The following DDX31 variants were observed in gnomAD, a reference collection of about 807,000 sequenced individuals.
DDX31 encodes the protein ATP-dependent DNA helicase DDX31.
A neutral mutation model predicts 91.3 loss-of-function variants in DDX31; 70 were observed. The ratio of observed to expected loss-of-function variants is 0.77; its 90% confidence interval spans 0.63 to 0.94. The LOEUF (loss-of-function observed/expected upper bound fraction) is 0.94. Among genes scored for constraint, DDX31 ranks in the 40% least tolerant of loss-of-function variants. The probability of loss-of-function intolerance (pLI) is 0.00; values close to 1 mark genes in which losing one functional copy is unlikely to be tolerated. For missense variants in DDX31, 902 were observed against 925.0 expected, an observed-to-expected ratio of 0.98 and a Z score of 0.32; for synonymous variants, 362 against 350.6, an observed-to-expected ratio of 1.03 and a Z score of -0.36.
intron 19 of DDX31, among the ~76,000 whole-genome samples, chr9:132,609,522 C>T (rs902330171): frequency 6.6e-6 from 1 of 152,208 alleles, no homozygotes; most frequent in Admixed American, 6.5e-5. Context: ...TTAACACTTG[C>T]TAATGAAATC....
At chr9:132,606,204 C>T (rs1306745045) in intron 19 of DDX31, among the ~76,000 whole-genome samples, 1 of 152,184 alleles carries the variant, frequency 6.6e-6, no homozygotes. Flanking sequence ...TTACAGAATG[C>T]TAACTGGCTC....
At position 132,593,393 on chromosome 9, in the gene DDX31, T is replaced by A. The variant is rs1043058724; in HGVS notation, c.*1473A>T. On this transcript the variant is annotated 3_prime_UTR_variant, in exon 20 of 20. Transcript: ENST00000372159. ...TAAAGTTTGATCCCTCCTTTTCTCA[T>A]CCAAATCATGTGAACCATTACACAT... 2.0e-5 allele frequency: 3 copies of A among 152,180 alleles called. No homozygotes were observed. The highest frequency in any genetic ancestry group is 4.4e-5 in the Non-Finnish European group (3 of 68,036). 9.4% of individuals were successfully genotyped at this position (152,180 alleles called of 1,614,324 possible). A position where few individuals can be genotyped will look rare whatever the true frequency, so the allele number is the denominator to read the frequency against.
chr9:132,595,487 A>C lies in DDX31; in HGVS notation c.1995-375T>G, dbSNP rs947737998. ...ACACTCAACAACATGAAGCAGTGAA[A>C]GCTCACGGCAGCTTCCCAGTAACCC... On this transcript the variant is annotated intron_variant, in intron 19 of 19. Transcript: ENST00000372159. The surrounding 1 kb of genome is among the most constrained non-coding windows in gnomAD (Gnocchi z 4.6). Among the ~76,000 whole-genome samples, 1 of 152,182 alleles carries C rather than the reference A, an allele frequency of 6.6e-6. No homozygotes were observed. The highest frequency in any genetic ancestry group is 2.4e-5 in the African/African-American group (1 of 41,448).
chr9:132,627,476 C>A (rs1416524050), intron 16 of DDX31, among the ~76,000 whole-genome samples: 3 of 152,110 alleles, frequency 2.0e-5, no homozygotes, highest in African/African-American at 7.2e-5. Context: ...AATCACCTCA[C>A]CTTAGTATGA....
intron 1 of DDX31, among the ~76,000 whole-genome samples, chr9:132,666,270 CA>C (rs1378771165): frequency 1.3e-5 from 2 of 151,536 alleles, no homozygotes; most frequent in Non-Finnish European, 2.9e-5. Flanking sequence ...CTTTGCTGGT[CA>C]ATTTGTACAG....
chr9:132,646,833 T>C lies in DDX31; in HGVS notation c.1193A>G (p.Gln398Arg), dbSNP rs748882585. ...AGCCCACAGTCCCACCTTGCATTTC[T>C]GAAGGATGAAGGCCGCTAGGCAGAC... is the stretch of plus-strand genomic sequence containing the variant. ...RLVCLAAFIL[Q>R]KCKFEEDQKM... Residue 398 changes from glutamine to arginine, a missense_variant, in exon 12 of 20, where the codon CAG becomes CGG. Coordinates refer to ENST00000372159, the MANE Select transcript of DDX31 (RefSeq NM_022779.9). 4 of 1,613,928 alleles carry C rather than the reference T, an allele frequency of 2.5e-6. No individual in the cohort carries two copies. In the Admixed American group the frequency reaches 5.0e-5, roughly 20 times the overall value.
chr9:132,609,278 A>G (rs928613620), intron 19 of DDX31, among the ~76,000 whole-genome samples: 12 of 152,176 alleles, frequency 7.9e-5, no homozygotes, highest in Admixed American at 1.3e-4. Context: ...GCTCTTTATC[A>G]GCTAATCAGC....
intron 14 of DDX31, among the ~76,000 whole-genome samples, chr9:132,636,027 T>A (rs1021014317): frequency 1.3e-5 from 2 of 152,112 alleles, no homozygotes; most frequent in Admixed American, 1.3e-4. Flanking sequence ...GGAGACACCA[T>A]CCCACCATCA....
chr9:132,609,748 A>C (rs890835529), intron 19 of DDX31, among the ~76,000 whole-genome samples: 5 of 151,990 alleles, frequency 3.3e-5, no homozygotes, highest in African/African-American at 1.2e-4. Context: ...CAGCCTCCCA[A>C]GTAGCTGGAA....
At chr9:132,617,029 C>T (rs1293985369) in intron 18 of DDX31, among the ~76,000 whole-genome samples, 1 of 152,174 alleles carries the variant, frequency 6.6e-6, no homozygotes, top group Non-Finnish European at 1.5e-5. Flanking sequence ...CACACAGCAG[C>T]CAGGTGATCT....
intron 14 of DDX31, among the ~76,000 whole-genome samples, chr9:132,637,688 G>A (rs1833209439): frequency 6.6e-6 from 1 of 152,234 alleles, no homozygotes; most frequent in Admixed American, 6.5e-5. Context: ...GAGGAGGAAG[G>A]AGAGAGTGCA....
chr9:132,657,379 C>T (rs1203351549), intron 6 of DDX31, among the ~76,000 whole-genome samples: 1 of 152,188 alleles, frequency 6.6e-6, no homozygotes, highest in Non-Finnish European at 1.5e-5. Flanking sequence ...CTCATTTTAG[C>T]ATCTATGATA....
Position 132,613,529 on chromosome 9 carries a change from A to G in DDX31, c.1826-1274T>C, listed in dbSNP as rs569857756. Among the ~76,000 whole-genome samples, 79 of 152,254 alleles carry G rather than the reference A, an allele frequency of 5.2e-4. No homozygotes were observed. The South Asian group carries it at 0.016, about 30-fold the overall frequency. On this transcript the variant is annotated intron_variant, in intron 18 of 19. Transcript: ENST00000372159. Reference sequence around the variant, plus strand: ...GCCAACATGGTGAAACCCTGTCTCTACTAAAAATGCAAAAATTAGCCGGAT... The same window carrying G: ...GCCAACATGGTGAAACCCTGTCTCTGCTAAAAATGCAAAAATTAGCCGGAT...
intron 17 of DDX31, among the ~76,000 whole-genome samples, chr9:132,624,617 C>T (rs1832279758): frequency 6.6e-6 from 1 of 152,194 alleles, no homozygotes; most frequent in South Asian, 2.1e-4. Flanking sequence ...TCCTTTACCT[C>T]TCTAAGTCTC....
chr9:132,669,951 G>C lies in DDX31; in HGVS notation c.-17C>G. On this transcript the variant is annotated 5_prime_UTR_variant, in exon 1 of 20. Transcript: ENST00000372159. Reference sequence around the variant, plus strand: ...GGCTGCCATGGTCTGCGTGGGTGACGCGTGGTGCAGCAGCGAGCCCGGTGC... The same window carrying C: ...GGCTGCCATGGTCTGCGTGGGTGACCCGTGGTGCAGCAGCGAGCCCGGTGC... 3 of 1,585,028 alleles carry C rather than the reference G, an allele frequency of 1.9e-6. No homozygotes were observed. The highest frequency in any genetic ancestry group is 1.8e-5 in the Admixed American group (1 of 56,174).
intron 3 of DDX31, 23 bp downstream of exon 3, chr9:132,662,238 A>G (rs1370326256): frequency 6.2e-7 from 1 of 1,613,602 alleles, no homozygotes; most frequent in East Asian, 2.2e-5. Context: ...AAACTGACCC[A>G]GAAAACACTG....
At chr9:132,617,659 A>G (rs1831732037) in intron 18 of DDX31, among the ~76,000 whole-genome samples, 1 of 152,218 alleles carries the variant, frequency 6.6e-6, no homozygotes, top group African/African-American at 2.4e-5. Context: ...CTCATTAGAC[A>G]TGGTCAGTCT....
At chr9:132,624,625 C>T (rs1832280451) in intron 17 of DDX31, among the ~76,000 whole-genome samples, 1 of 152,180 alleles carries the variant, frequency 6.6e-6, no homozygotes, top group South Asian at 2.1e-4. Flanking sequence ...CTCTCTAAGT[C>T]TCAGTTTCCT....
chr9:132,620,527 G>A (rs1253812501), intron 17 of DDX31, among the ~76,000 whole-genome samples: 3 of 151,100 alleles, frequency 2.0e-5, no homozygotes, highest in Admixed American at 6.6e-5. Context: ...GAAATGATAA[G>A]GTCAGTTTTA....
Sources: gnomAD v4.1 joint callset for allele counts (sites outside exome capture counted in the v4.1 genomes callset) on GRCh38, gnomAD v4.1.1 for gene constraint, Gnocchi (gnomAD v3.1) non-coding constraint, MANE v1.5 for transcripts, NCBI Gene and HGNC (gene_info 2026-07-23, HGNC 2026-07-21) for gene names.